Variants in EGR2 observed in about 807,000 individuals in gnomAD.
EGR2 encodes the protein E3 SUMO-protein ligase EGR2.
A neutral mutation model predicts 21.2 loss-of-function variants in EGR2; 2 were observed. The ratio of observed to expected loss-of-function variants is 0.09; its 90% confidence interval spans 0.04 to 0.30. The LOEUF is 0.30. EGR2 is among the 10% of genes least tolerant of loss of function. EGR2 has a pLI of 1.00. For synonymous variants in EGR2, 282 were observed against 258.2 expected (o/e 1.09, Z -0.88); for missense variants, 458 against 630.2 (o/e 0.73, Z 2.93).
rs569597970 is a variant in EGR2, at chr10:62,814,885, C to T, written c.170-417G>A. On this transcript the variant is annotated intron_variant, in intron 1 of 1. Transcript: ENST00000242480. The surrounding 1 kb of genome is among the most constrained non-coding windows in gnomAD (Gnocchi z 4.8). The stretch of plus-strand genomic sequence containing the variant: ...AGACAAACACCACCCAAGAATCGAC[C>T]TATCCCAGTCAGTGCCGTGATGGTG... Among the ~76,000 whole-genome samples the T allele has an allele frequency of 2.8e-3, 422 of 152,362 alleles. No homozygotes were observed. Among genetic ancestry groups the T allele is most frequent in the Non-Finnish European group, 4.8e-3 (327 of 68,034 alleles).
At chr10:62,818,480 T>G (rs1012758514), upstream of EGR2, 2 of 1,025,662 alleles carry the variant, frequency 1.9e-6, no homozygotes, top group African/African-American at 3.4e-5. Flanking sequence ...ATGTGCAAAG[T>G]CCTATTTCTC....
rs1266842158 is a variant in EGR2, at chr10:62,814,132, G to A, written c.506C>T (p.Pro169Leu). 6.2e-6 allele frequency: 10 copies of A among 1,613,942 alleles called. No homozygotes were observed. The East Asian group carries it at 1.8e-4, about 29-fold the overall frequency. ...ACAGCCAGAATAAGGAGGAGGAGGCGGTGGCGGAGAGTACAGGTGGTCCAG... is the reference window on the plus strand; with the variant it reads ...ACAGCCAGAATAAGGAGGAGGAGGCAGTGGCGGAGAGTACAGGTGGTCCAG... ...PDLDHLYSPP[P>L]PPPPYSGCAG... Residue 169 changes from proline (P) to leucine (L), a missense_variant, in exon 2 of 2, where the codon CCG (proline) becomes CTG (leucine). By Grantham distance (98) the Pro-to-Leu change is moderately conservative. Transcript: ENST00000242480. This position sits in a 1 kb window ranked among gnomAD's most constrained non-coding sequence, Gnocchi z 4.8.
At position 62,813,015 on chromosome 10, in the gene EGR2, A is replaced by G; in HGVS notation, c.*192T>C. 1 of 596,296 alleles carries G rather than the reference A, an allele frequency of 1.7e-6. No individual in the cohort carries two copies. The highest frequency in any genetic ancestry group is 2.8e-6 in the Non-Finnish European group (1 of 363,428). The allele number at this position is 596,296 out of a possible 1,614,324, so 36.9% of individuals were successfully genotyped here. On this transcript the variant is annotated 3_prime_UTR_variant, in exon 2 of 2. Transcript: ENST00000242480. This position sits in a 1 kb window ranked among gnomAD's most constrained non-coding sequence, Gnocchi z 5.7. ...GGTTGATAGTCAACTCACCTAAGAG[A>G]GACTAGAATGGGCTAAGTTTTAGGA...
At chr10:62,818,401 G>T (rs183125449), upstream of EGR2, 70 of 259,864 alleles carry the variant, frequency 2.7e-4, 1 homozygote, top group East Asian at 3.4e-4. Context: ...TTCCAATTGG[G>T]GATGAAAAGG....
rs765316166 is a variant in EGR2, at chr10:62,815,836, G to C, written c.169+25C>G. The C allele has an allele frequency of 8.1e-6, 13 of 1,613,454 alleles. No homozygotes were observed. In the South Asian group the frequency reaches 1.4e-4, roughly 18 times the overall value. On this transcript the variant is annotated intron_variant, in intron 1 of 1. Transcript: ENST00000242480. ...CACCACCTCCGGGCCGCGCAGGTCC[G>C]GGCCTGCGAAGACACGCGGCTTACC... is the stretch of plus-strand genomic sequence containing the variant.
Position 62,813,243 on chromosome 10 carries a change from C to T in EGR2, c.1395G>A (p.Pro465=), listed in dbSNP as rs779811073. The T allele has an allele frequency of 1.7e-5, 27 of 1,566,170 alleles. No individual in the cohort carries two copies. Among genetic ancestry groups the T allele is most frequent in the Middle Eastern group, 3.4e-4 (2 of 5,848 alleles). ...GGGTCCGAGAGGAGCAAGGGGCGAGCGGCCCTCCGCCAAGACTGCTGCTGT... is the reference window on the plus strand; with the variant it reads ...GGGTCCGAGAGGAGCAAGGGGCGAGTGGCCCTCCGCCAAGACTGCTGCTGT... ...SSNSSSLGGG[P]LAPCSSRTRT... Residue 465 remains proline, a synonymous_variant, in exon 2 of 2, where the codon CCG becomes CCA. Transcript: ENST00000242480. The surrounding 1 kb of genome is among the most constrained non-coding windows in gnomAD (Gnocchi z 5.7).
chr10:62,817,134 G>A (rs1838268726), upstream of EGR2, among the ~76,000 whole-genome samples: 1 of 152,184 alleles, frequency 6.6e-6, no homozygotes, highest in South Asian at 2.1e-4. This position sits in a 1 kb window ranked among gnomAD's most constrained non-coding sequence, Gnocchi z 4.4. Flanking sequence ...GGAGCTTCGA[G>A]AGAAATCCTC....
In EGR2 at chr10:62,813,341, C is replaced by T; in HGVS notation, c.1297G>A (p.Ala433Thr). 6.3e-7 allele frequency: 1 copy of T among 1,594,612 alleles called. No homozygotes were observed. Among genetic ancestry groups the T allele is most frequent in the Non-Finnish European group, 8.6e-7 (1 of 1,167,926 alleles). Reference protein sequence around the residue: ...QKERKSSAPSASVPAPSTASC... With the variant: ...QKERKSSAPSTSVPAPSTASC... ...GCTGTAGAGGGGGCTGGCACCGATG[C>T]AGAGGGGGCACTGCTTTTCCGCTCT... Residue 433 changes from alanine to threonine, a missense_variant, in exon 2 of 2, where the codon GCA becomes ACA. Around this residue, in one of 5 missense-constraint regions of EGR2, gnomAD observed 69 missense variants for 70.4 expected, o/e 0.98. Coordinates refer to ENST00000242480, the MANE Select transcript of EGR2 (RefSeq NM_000399.5). This position sits in a 1 kb window ranked among gnomAD's most constrained non-coding sequence, Gnocchi z 5.7.
chr10:62,815,979 A>T lies in EGR2; in HGVS notation c.51T>A (p.Phe17Leu). 1 of 1,614,226 alleles carries T rather than the reference A, an allele frequency of 6.2e-7. No homozygotes were observed. Among genetic ancestry groups the T allele is most frequent in the Non-Finnish European group, 8.5e-7 (1 of 1,180,038 alleles). ...AGATGTTGTCAGACAGCTGGTGCAC[A>T]AAACCACTGAGAGTTACTGGGATTT... ...VDKIPVTLSG[F>L]VHQLSDNIYP... The change falls in exon 1 of 2, where the codon TTT (phenylalanine) becomes TTA (leucine). Residue 17 changes from phenylalanine (F) to leucine (L), a missense_variant. By Grantham distance (22) the Phe-to-Leu change is conservative. Around this residue, in one of 5 missense-constraint regions of EGR2, gnomAD observed 91 missense variants for 105.2 expected, o/e 0.87. Coordinates refer to ENST00000242480, the MANE Select transcript of EGR2 (RefSeq NM_000399.5).
upstream of EGR2, chr10:62,818,632 A>C: frequency 7.9e-7 from 1 of 1,264,384 alleles, no homozygotes; most frequent in Non-Finnish European, 1.0e-6. Flanking sequence ...AGGGAGTCCG[A>C]CTCGCATCTC....
Position 62,816,111 on chromosome 10 carries a change from A to C in EGR2, c.-82T>G. The C allele has an allele frequency of 6.2e-7, 1 of 1,612,498 alleles. No homozygotes were observed. The highest frequency in any genetic ancestry group is 1.7e-5 in the Admixed American group (1 of 60,008). On this transcript the variant is annotated 5_prime_UTR_variant, in exon 1 of 2. Coordinates refer to ENST00000242480, the MANE Select transcript of EGR2 (RefSeq NM_000399.5). ...GCCGTTTTGGAGAGGGGTTGGACTGAGCCTGGGATGGTATCTCCTTTTGCC... is the reference window on the plus strand; with the variant it reads ...GCCGTTTTGGAGAGGGGTTGGACTGCGCCTGGGATGGTATCTCCTTTTGCC...
In EGR2 at chr10:62,816,163, C is replaced by T. The variant is rs1842263728; in HGVS notation, c.-134G>A. The T allele has an allele frequency of 3.2e-6, 5 of 1,568,206 alleles. No individual in the cohort carries two copies. In the South Asian group the frequency reaches 3.4e-5, roughly 11 times the overall value. ...TCCACACTTAAAAACAACCACCACACACACCAAGAAAAAAAAATCAACAGA... is the reference window on the plus strand; with the variant it reads ...TCCACACTTAAAAACAACCACCACATACACCAAGAAAAAAAAATCAACAGA... On this transcript the variant is annotated 5_prime_UTR_variant, in exon 1 of 2. It adds an upstream start codon to the 5' untranslated region. Coordinates refer to ENST00000242480, the MANE Select transcript of EGR2 (RefSeq NM_000399.5).
rs1298348387 is a variant in EGR2, at chr10:62,813,961, T to G, written c.677A>C (p.Tyr226Ser). The G allele has an allele frequency of 1.9e-6, 3 of 1,613,998 alleles. No individual in the cohort carries two copies. Among genetic ancestry groups the G allele is most frequent in the Admixed American group, 3.3e-5 (2 of 59,998 alleles). ...GCACTGAGATGGAAAGAATCCAGGATAGTCTGGGATCATTGGGAAGAGACC... is the reference window on the plus strand; with the variant it reads ...GCACTGAGATGGAAAGAATCCAGGAGAGTCTGGGATCATTGGGAAGAGACC... ...DPGLFPMIPD[Y>S]PGFFPSQCQR... Residue 226 changes from tyrosine to serine, a missense_variant, in exon 2 of 2, where the codon TAT becomes TCT. Around this residue, in one of 5 missense-constraint regions of EGR2, gnomAD observed 253 missense variants for 315.5 expected, o/e 0.80. Transcript: ENST00000242480. This position sits in a 1 kb window ranked among gnomAD's most constrained non-coding sequence, Gnocchi z 5.7.
chr10:62,817,946 C>T (rs1331495683), upstream of EGR2, among the ~76,000 whole-genome samples: 2 of 152,026 alleles, frequency 1.3e-5, no homozygotes, highest in African/African-American at 4.8e-5. This position sits in a 1 kb window ranked among gnomAD's most constrained non-coding sequence, Gnocchi z 4.4. Flanking sequence ...ATGACTCATT[C>T]ATGGTCGTTT....
rs1459131377 is a variant in EGR2 at position 62,814,386 on chromosome 10, T to C, written c.252A>G (p.Ala84=). The C allele has an allele frequency of 6.2e-7, 1 of 1,614,074 alleles. No individual in the cohort carries two copies. Among genetic ancestry groups the C allele is most frequent in the African/African-American group, 1.3e-5 (1 of 74,980 alleles). Residue 84 remains alanine, a synonymous_variant, in exon 2 of 2, where the codon GCA becomes GCG. Transcript: ENST00000242480. This position sits in a 1 kb window ranked among gnomAD's most constrained non-coding sequence, Gnocchi z 4.8. The stretch of plus-strand genomic sequence containing the variant: ...TGTAAGTGAAGGTCTGGTTTCTAGG[T>C]GCAGAGACGGGAGCAAAGCTGCTGG... ...PYPSSFAPVS[A]PRNQTFTYMG... is the part of the protein sequence containing the mutation.
chr10:62,813,610 G>A lies in EGR2; in HGVS notation c.1028C>T (p.Pro343Leu). The A allele has an allele frequency of 6.2e-7, 1 of 1,612,946 alleles. No homozygotes were observed. Among genetic ancestry groups the A allele is most frequent in the Non-Finnish European group, 8.5e-7 (1 of 1,180,036 alleles). Residue 343 changes from proline to leucine, a missense_variant, in exon 2 of 2, where the codon CCA becomes CTA. Around this residue, in one of 5 missense-constraint regions of EGR2, gnomAD observed 253 missense variants for 315.5 expected, o/e 0.80. Coordinates refer to ENST00000242480, the MANE Select transcript of EGR2 (RefSeq NM_000399.5). This position sits in a 1 kb window ranked among gnomAD's most constrained non-coding sequence, Gnocchi z 5.7. The stretch of plus-strand genomic sequence containing the variant: ...GAACCGCCGGTCGCAGCCTTCTGCT[G>A]GGCACGGGTAGGGCCTCTCGTGCAC... ...TPVHERPYPC[P>L]AEGCDRRFSR...
Position 62,815,842 on chromosome 10 carries a change from G to A in EGR2, c.169+19C>T, listed in dbSNP as rs762973499. On this transcript the variant is annotated intron_variant, in intron 1 of 1. Coordinates refer to ENST00000242480, the MANE Select transcript of EGR2 (RefSeq NM_000399.5). Reference sequence around the variant, plus strand: ...CTCCGGGCCGCGCAGGTCCGGGCCTGCGAAGACACGCGGCTTACCTCCGGC... The same window carrying A: ...CTCCGGGCCGCGCAGGTCCGGGCCTACGAAGACACGCGGCTTACCTCCGGC... The A allele has an allele frequency of 8.1e-6, 13 of 1,613,642 alleles. No homozygotes were observed. Among genetic ancestry groups the A allele is most frequent in the Middle Eastern group, 1.7e-4 (1 of 5,984 alleles).
rs1131691827 is a variant in EGR2 at position 62,813,616 on chromosome 10, G to A, written c.1022C>T (p.Pro341Leu). The A allele has an allele frequency of 1.2e-6, 2 of 1,612,976 alleles. No homozygotes were observed. Among genetic ancestry groups the A allele is most frequent in the Non-Finnish European group, 1.7e-6 (2 of 1,180,030 alleles). ...SKTPVHERPY[P>L]CPAEGCDRRF... is the part of the protein sequence containing the mutation. ...CCGGTCGCAGCCTTCTGCTGGGCACGGGTAGGGCCTCTCGTGCACCGGCGT... is the reference window on the plus strand; with the variant it reads ...CCGGTCGCAGCCTTCTGCTGGGCACAGGTAGGGCCTCTCGTGCACCGGCGT... The change falls in exon 2 of 2, where the codon CCG becomes CTG. Residue 341 changes from proline to leucine, a missense_variant. Around this residue, in one of 5 missense-constraint regions of EGR2, gnomAD observed 253 missense variants for 315.5 expected, o/e 0.80. Coordinates refer to ENST00000242480, the MANE Select transcript of EGR2 (RefSeq NM_000399.5). The surrounding 1 kb of genome is among the most constrained non-coding windows in gnomAD (Gnocchi z 5.7).
chr10:62,814,328 C>G lies in EGR2; in HGVS notation c.310G>C (p.Gly104Arg). ...GKFSIDPQYP[G>R]ASCYPEGIIN... ...ATGCCTTCTGGGTAGCAGCTGGCAC[C>G]AGGGTACTGAGGGTCAATGGAGAAC... The change falls in exon 2 of 2, where the codon GGT becomes CGT. Residue 104 changes from glycine to arginine, a missense_variant. Gly to Arg is a moderately radical substitution (Grantham distance 125). This residue lies in a region of EGR2 where 253 missense variants were observed against 315.5 expected (regional missense o/e 0.80). Coordinates refer to ENST00000242480, the MANE Select transcript of EGR2 (RefSeq NM_000399.5). The surrounding 1 kb of genome is among the most constrained non-coding windows in gnomAD (Gnocchi z 4.8). 6.2e-7 allele frequency: 1 copy of G among 1,614,116 alleles called. No homozygotes were observed. Among genetic ancestry groups the G allele is most frequent in the Non-Finnish European group, 8.5e-7 (1 of 1,180,020 alleles).
Sources: allele counts gnomAD v4.1 joint callset (sites outside exome capture counted in the v4.1 genomes callset), GRCh38; gene constraint gnomAD v4.1.1; regional missense constraint gnomAD v4.1.1; non-coding constraint Gnocchi (gnomAD v3.1); transcripts MANE v1.5; gene names NCBI Gene and HGNC (gene_info 2026-07-23, HGNC 2026-07-21).